The following FADS2 variants were observed in gnomAD, a reference collection of about 807,000 sequenced individuals.
The protein encoded by FADS2 is acyl-CoA 6-desaturase.
Under a neutral mutation model 61.2 loss-of-function variants are expected in FADS2, and 18 were observed. The ratio of observed to expected loss-of-function variants is 0.29; its 90% CI spans 0.20 to 0.44. FADS2 has a LOEUF of 0.44. FADS2 is among the 20% of genes least tolerant of loss of function. FADS2 has a pLI of 1.00. For missense variants in FADS2, 322 were observed against 572.7 expected (o/e 0.56, Z 4.47); for synonymous variants, 203 against 223.9 (o/e 0.91, Z 0.83).
At chr11:61,830,165 T>C (rs2067117204) in intron 1 of FADS2, among the ~76,000 whole-genome samples, 1 of 152,228 alleles carries the variant, frequency 6.6e-6, no homozygotes, top group Admixed American at 6.5e-5. Flanking sequence ...GGATCCTGGC[T>C]GGGATCTTTC....
chr11:61,863,201 TG>T, intron 8 of FADS2, 80 bp from the exon 9 acceptor site: 1 of 1,445,964 alleles, frequency 6.9e-7, no homozygotes, highest in Non-Finnish European at 9.7e-7. Flanking sequence ...GGGGCTGTCC[TG>T]GGCTGGTTGG....
At chr11:61,828,168 G>A, upstream of FADS2, 1 of 1,411,378 alleles carries the variant, frequency 7.1e-7, no homozygotes, top group Non-Finnish European at 9.2e-7. The surrounding 1 kb of genome is among the most constrained non-coding windows in gnomAD (Gnocchi z 6.4). Flanking sequence ...GACCGCTTGG[G>A]GGCACTGGGA....
chr11:61,825,817 T>C (rs374011380), upstream of FADS2, among the ~76,000 whole-genome samples: 140 of 146,730 alleles, frequency 9.5e-4, 1 homozygote, highest in Non-Finnish European at 1.8e-3. Context: ...GGCGTGAACC[T>C]GGGAGGTGGA....
intron 5 of FADS2, among the ~76,000 whole-genome samples, chr11:61,853,981 C>T (rs905881355): frequency 7.2e-5 from 11 of 152,184 alleles, no homozygotes; most frequent in Non-Finnish European, 1.0e-4. Flanking sequence ...ATGGAGAGGC[C>T]GAGGACAGGA....
At chr11:61,842,233 TCAC>T (rs1270405401) in intron 4 of FADS2, among the ~76,000 whole-genome samples, 1 of 152,190 alleles carries the variant, frequency 6.6e-6, no homozygotes, top group Non-Finnish European at 1.5e-5. Context: ...CCTGAGCTGG[TCAC>T]CAGTTTCGCA....
Position 61,865,617 on chromosome 11 carries a change from G to C in FADS2, c.1284-21G>C, listed in dbSNP as rs2067461511. ...CACTCCCGTCCTGGTCCCTGACCCT[G>C]GTCCATCCCCAACTTTGCAGGTCCC... is the stretch of plus-strand genomic sequence containing the variant. On this transcript the variant is annotated intron_variant, in intron 11 of 11. Coordinates refer to ENST00000278840, the MANE Select transcript of FADS2 (RefSeq NM_004265.4). This position sits in a 1 kb window ranked among gnomAD's most constrained non-coding sequence, Gnocchi z 4.1. The C allele has an allele frequency of 6.2e-7, 1 of 1,611,674 alleles. No homozygotes were observed. Among genetic ancestry groups the C allele is most frequent in the African/African-American group, 1.3e-5 (1 of 74,986 alleles).
At chr11:61,864,177 C>A in intron 10 of FADS2, 1 of 180,448 alleles carries the variant, frequency 5.5e-6, no homozygotes, top group Admixed American at 6.3e-5. Flanking sequence ...TGCTTCACCT[C>A]TTGTCACTGT....
At chr11:61,858,333 C>CA (rs2067382775) in intron 7 of FADS2, among the ~76,000 whole-genome samples, 1 of 151,990 alleles carries the variant, frequency 6.6e-6, no homozygotes, top group Non-Finnish European at 1.5e-5. Context: ...CACCGGCCAC[C>CA]ATGCCCAGCT....
At chr11:61,850,774 A>G (rs962853457) in intron 5 of FADS2, among the ~76,000 whole-genome samples, 3 of 152,196 alleles carry the variant, frequency 2.0e-5, no homozygotes, top group African/African-American at 7.2e-5. Flanking sequence ...CCATGCATAG[A>G]GTAGGGTTCA....
At chr11:61,863,925 C>T in intron 10 of FADS2, 139 bp downstream of exon 10, 1 of 693,928 alleles carries the variant, frequency 1.4e-6, no homozygotes, top group Non-Finnish European at 2.5e-6. Context: ...GAGCAAGGCT[C>T]CCAGCCAGCC....
chr11:61,821,022 A>C (rs532296602), intron 1 of FADS2, among the ~76,000 whole-genome samples: 1 of 152,244 alleles, frequency 6.6e-6, no homozygotes, highest in South Asian at 2.1e-4. Context: ...CTCCTTACCC[A>C]CCTACACAGG....
intron 1 of FADS2, among the ~76,000 whole-genome samples, chr11:61,819,606 A>G (rs958705369): frequency 5.3e-5 from 8 of 152,260 alleles, no homozygotes; most frequent in Non-Finnish European, 1.5e-5. Context: ...AGTATCTATG[A>G]TAGCGGGAAA....
intron 5 of FADS2, chr11:61,855,679 G>A (rs1487520643): frequency 6.6e-6 from 1 of 152,314 alleles, no homozygotes; most frequent in African/African-American, 2.4e-5. Context: ...CTTGGGGACA[G>A]GGTGGACCTG....
rs1430104814 is a variant in FADS2, at chr11:61,816,489, C to G, written c.141+63C>G. ...TCGGTGTTTGGCTCGGAGTGCGTAA[C>G]TCTGTCTCCCCTGCACTCAGCCTCC... On this transcript the variant is annotated intron_variant, in intron 1 of 11. Transcript: ENST00000257261. This position sits in a 1 kb window ranked among gnomAD's most constrained non-coding sequence, Gnocchi z 7.0. 8.0e-5 allele frequency: 128 copies of G among 1,600,956 alleles called. No individual in the cohort carries two copies. Among genetic ancestry groups the G allele is most frequent in the Non-Finnish European group, 1.0e-4 (119 of 1,178,228 alleles).
chr11:61,816,711 G>A lies in FADS2; in HGVS notation c.141+285G>A. ...CCTCGTCCCAGGTGAAGTAGCGCGG[G>A]GTAGGTCCCTGAGCCGCGGTCTCGG... On this transcript the variant is annotated intron_variant, in intron 1 of 11. Transcript: ENST00000257261. This position sits in a 1 kb window ranked among gnomAD's most constrained non-coding sequence, Gnocchi z 7.0. 1.9e-6 allele frequency: 3 copies of A among 1,574,924 alleles called. No individual in the cohort carries two copies. The highest frequency in any genetic ancestry group is 2.6e-6 in the Non-Finnish European group (3 of 1,160,932).
Position 61,816,869 on chromosome 11 carries a change from T to A in FADS2, c.141+443T>A, listed in dbSNP as rs929374648. 3 of 1,478,100 alleles carry A rather than the reference T, an allele frequency of 2.0e-6. No homozygotes were observed. Among genetic ancestry groups the A allele is most frequent in the Non-Finnish European group, 2.7e-6 (3 of 1,125,230 alleles). The allele number at this position is 1,478,100 out of a possible 1,614,324, so 91.6% of individuals were successfully genotyped here. A position where few individuals can be genotyped will look rare whatever the true frequency, so the allele number is the denominator to read the frequency against. The stretch of plus-strand genomic sequence containing the variant: ...TGGCGCGCGCCCAGAGCCAGCCGCC[T>A]GCGCGCCGGGTTTTCAGCACCGCAG... On this transcript the variant is annotated intron_variant, in intron 1 of 11. Transcript: ENST00000257261. This position sits in a 1 kb window ranked among gnomAD's most constrained non-coding sequence, Gnocchi z 7.0.
intron 5 of FADS2, chr11:61,856,669 T>G: frequency 2.4e-5 from 7 of 286,160 alleles, no homozygotes; most frequent in East Asian, 6.2e-5. Flanking sequence ...AGAGTCAGCT[T>G]TTTGGGTTCT....
intron 7 of FADS2, 147 bp from the exon 8 acceptor site, chr11:61,862,825 G>T (rs747283607): frequency 1.5e-6 from 1 of 663,320 alleles, no homozygotes. Flanking sequence ...GAGCAAGCAG[G>T]TGGCGTGTAG....
upstream of FADS2, among the ~76,000 whole-genome samples, chr11:61,824,437 AGGGAGGGAGGGAG>A (rs1565325187): frequency 6.6e-4 from 3 of 4,560 alleles, no homozygotes; most frequent in African/African-American, 1.3e-3. Context: ...AGAGAGAGGG[AGGGAGGGAGGGAG>A]GGAGGGAGGG....
Sources: gnomAD v4.1 joint callset for allele counts (sites outside exome capture counted in the v4.1 genomes callset) on GRCh38, gnomAD v4.1.1 for gene constraint, Gnocchi (gnomAD v3.1) non-coding constraint, MANE v1.5 for transcripts, NCBI Gene and HGNC (gene_info 2026-07-23, HGNC 2026-07-21) for gene names.